KCNK10: variants seen among roughly 807,000 people sequenced by gnomAD.
KCNK10 encodes the protein potassium channel subfamily K member 10.
A neutral mutation model predicts 47.7 loss-of-function variants in KCNK10; 25 were observed. That is an observed-to-expected ratio of 0.52 (90% CI 0.38 to 0.73). The LOEUF (loss-of-function observed/expected upper bound fraction) is 0.73, where lower values mean the gene tolerates loss of function less well. Among genes scored for constraint, KCNK10 ranks in the 30% least tolerant of loss-of-function variants. KCNK10 has a pLI of 0.00. For synonymous variants in KCNK10, 303 were observed against 285.6 expected (o/e 1.06, Z -0.61); for missense variants, 563 against 714.5 (o/e 0.79, Z 2.42).
At chr14:88,209,619 T>C (rs935382510) in intron 4 of KCNK10, among the ~76,000 whole-genome samples, 1 of 152,224 alleles carries the variant, frequency 6.6e-6, no homozygotes, top group Non-Finnish European at 1.5e-5. Context: ...CCGTCCCAGA[T>C]ACAGACCCTG....
At chr14:88,220,742 C>T (rs962948748) in intron 4 of KCNK10, among the ~76,000 whole-genome samples, 1 of 151,834 alleles carries the variant, frequency 6.6e-6, no homozygotes, top group Non-Finnish European at 1.5e-5. Context: ...ATGTAAAATG[C>T]AAAAGTATAA....
At chr14:88,285,265 C>T (rs1217521554) in intron 1 of KCNK10, among the ~76,000 whole-genome samples, 1 of 152,144 alleles carries the variant, frequency 6.6e-6, no homozygotes, top group Non-Finnish European at 1.5e-5. Context: ...GCGCGCACCA[C>T]CATGCCTGGC....
intron 1 of KCNK10, among the ~76,000 whole-genome samples, chr14:88,321,540 C>T (rs1281145528): frequency 6.6e-6 from 1 of 152,002 alleles, no homozygotes; most frequent in Non-Finnish European, 1.5e-5. Flanking sequence ...AGGGATTCTC[C>T]CCCCAAAAAA....
intron 6 of KCNK10, among the ~76,000 whole-genome samples, chr14:88,187,043 T>C (rs1322704744): frequency 1.3e-5 from 2 of 152,214 alleles, no homozygotes; most frequent in Non-Finnish European, 2.9e-5. Context: ...TTCCCTTCTC[T>C]TTTGTTATAG....
At chr14:88,281,018 C>T (rs911034792) in intron 1 of KCNK10, among the ~76,000 whole-genome samples, 4 of 150,814 alleles carry the variant, frequency 2.7e-5, no homozygotes, top group African/African-American at 1.0e-4. Flanking sequence ...TGCCTCTCAT[C>T]GTTGCATCTA....
In KCNK10 at chr14:88,188,244, G is replaced by A. The variant is rs1353487240; in HGVS notation, c.869-135C>T. 5.4e-6 allele frequency: 6 copies of A among 1,113,062 alleles called. No individual in the cohort carries two copies. The East Asian group carries it at 9.5e-5, about 18-fold the overall frequency. 68.9% of individuals were successfully genotyped at this position (1,113,062 alleles called of 1,614,324 possible). Reference sequence around the variant, plus strand: ...AGCTGTTAGGTTTGCTGTGTACAAGGTGGACCGGGGTTAGAGGGCAAGGGG... The same window carrying A: ...AGCTGTTAGGTTTGCTGTGTACAAGATGGACCGGGGTTAGAGGGCAAGGGG... On this transcript the variant is annotated intron_variant, in intron 5 of 6. Transcript: ENST00000319231.
chr14:88,252,686 A>T (rs1566703049), intron 2 of KCNK10, among the ~76,000 whole-genome samples: 1 of 152,134 alleles, frequency 6.6e-6, no homozygotes, highest in Admixed American at 6.5e-5. Flanking sequence ...CTTAGACTAA[A>T]TCTTTCTCCA....
In KCNK10 at chr14:88,181,254, G is replaced by A. The variant is rs1455816890; in HGVS notation, c.*4281C>T. ...GTCCTCAGAACCCAGCATGCAAATA[G>A]ACAGGCAGCATTGACGAAGCCAGGA... On this transcript the variant is annotated 3_prime_UTR_variant, in exon 7 of 7. Transcript: ENST00000319231. 1 of 158,364 alleles carries A rather than the reference G, an allele frequency of 6.3e-6. No homozygotes were observed. Among genetic ancestry groups the A allele is most frequent in the Non-Finnish European group, 1.4e-5 (1 of 72,344 alleles). The allele number at this position is 158,364 out of a possible 1,614,324, so 9.8% of individuals were successfully genotyped here. A position where few individuals can be genotyped will look rare whatever the true frequency, so the allele number is the denominator to read the frequency against.
intron 4 of KCNK10, among the ~76,000 whole-genome samples, chr14:88,216,176 C>T (rs999184963): frequency 8.5e-5 from 13 of 152,142 alleles, no homozygotes; most frequent in African/African-American, 2.9e-4. Flanking sequence ...CTGCAAAGCC[C>T]TCTTTAAGGA....
At chr14:88,219,434 T>C (rs1281437842) in intron 4 of KCNK10, among the ~76,000 whole-genome samples, 3 of 152,330 alleles carry the variant, frequency 2.0e-5, no homozygotes, top group Admixed American at 6.5e-5. Flanking sequence ...ATCTAGCCCC[T>C]GAGCCTGAGA....
chr14:88,278,264 A>T (rs1192286014), intron 1 of KCNK10, among the ~76,000 whole-genome samples: 1 of 152,234 alleles, frequency 6.6e-6, no homozygotes, highest in African/African-American at 2.4e-5. Flanking sequence ...AGTTGGCTTC[A>T]GTATCATTTT....
chr14:88,208,273 G>A (rs1885344639), intron 4 of KCNK10, among the ~76,000 whole-genome samples: 1 of 152,018 alleles, frequency 6.6e-6, no homozygotes. Flanking sequence ...GCAAATGTGT[G>A]CTCATCTTCT....
chr14:88,204,559 A>C (rs1053453655), intron 4 of KCNK10, among the ~76,000 whole-genome samples: 7 of 146,228 alleles, frequency 4.8e-5, no homozygotes, highest in African/African-American at 1.0e-4. Context: ...ACTGTCAGGG[A>C]CCCCACCCCC....
intron 4 of KCNK10, among the ~76,000 whole-genome samples, chr14:88,221,673 T>A (rs1885813931): frequency 6.6e-6 from 1 of 152,188 alleles, no homozygotes; most frequent in Non-Finnish European, 1.5e-5. Flanking sequence ...ATTCTTACCA[T>A]CCAATCCAGT....
chr14:88,309,664 TA>T (rs1030098723), intron 1 of KCNK10, among the ~76,000 whole-genome samples: 105 of 152,294 alleles, frequency 6.9e-4, no homozygotes, highest in African/African-American at 2.5e-3. Flanking sequence ...GGCATTGCCA[TA>T]AGCATCACTG....
intron 1 of KCNK10, among the ~76,000 whole-genome samples, chr14:88,278,757 G>A (rs1402597702): frequency 6.6e-6 from 1 of 152,192 alleles, no homozygotes; most frequent in Non-Finnish European, 1.5e-5. Context: ...CTCTGAAGAG[G>A]TCACTGGAAA....
At chr14:88,262,193 GC>G (rs1368242621) in intron 2 of KCNK10, among the ~76,000 whole-genome samples, 2 of 152,104 alleles carry the variant, frequency 1.3e-5, no homozygotes, top group African/African-American at 4.8e-5. Flanking sequence ...AAACTTTAGA[GC>G]CCCCAGAAAG....
Position 88,212,925 on chromosome 14 carries a change from C to T in KCNK10, c.681+14450G>A, listed in dbSNP as rs145990947. On this transcript the variant is annotated intron_variant, in intron 4 of 6. Coordinates refer to ENST00000319231, the MANE Select transcript of KCNK10 (RefSeq NM_138317.3). ...CACTATGCAAAGCCATCAGAGCCTG[C>T]TCAGCATGGGGCTGCACATGCTTGT... is the stretch of plus-strand genomic sequence containing the variant. 1.8e-3 allele frequency among the ~76,000 whole-genome samples: 278 copies of T among 152,332 alleles called. 4 individuals are homozygous for T. The highest frequency in any genetic ancestry group is 6.0e-3 in the African/African-American group (248 of 41,570).
intron 4 of KCNK10, among the ~76,000 whole-genome samples, chr14:88,201,148 G>T (rs979558898): frequency 2.6e-5 from 4 of 152,162 alleles, no homozygotes; most frequent in African/African-American, 9.7e-5. Flanking sequence ...TTCCATTGGA[G>T]GCCTCATGGC....
Sources: gnomAD v4.1 joint callset for allele counts (sites outside exome capture counted in the v4.1 genomes callset) on GRCh38, gnomAD v4.1.1 for gene constraint, MANE v1.5 for transcripts, NCBI Gene and HGNC (gene_info 2026-07-23, HGNC 2026-07-21) for gene names.